Variants in SPIDR observed in about 807,000 individuals in gnomAD.
SPIDR encodes scaffold protein involved in DNA repair.
A neutral mutation model predicts 104.6 loss-of-function variants in SPIDR; 93 were observed. That is an observed-to-expected ratio of 0.89 (90% confidence interval 0.75 to 1.06). The LOEUF is 1.06. Among genes scored for constraint, SPIDR ranks in the 50% least tolerant of loss-of-function variants. SPIDR has a pLI of 0.00. For missense variants in SPIDR, 1,154 were observed against 1,111.2 expected (o/e 1.04, Z -0.55); for synonymous variants, 431 against 416.9 (o/e 1.03, Z -0.41).
At chr8:47,624,149 C>T (rs1382564771) in intron 10 of SPIDR, among the ~76,000 whole-genome samples, 3 of 151,918 alleles carry the variant, frequency 2.0e-5, no homozygotes, top group African/African-American at 4.8e-5. Flanking sequence ...GGGTACATAA[C>T]GAAATGAAGG....
At chr8:47,716,319 C>G (rs1349946249) in intron 16 of SPIDR, among the ~76,000 whole-genome samples, 1 of 152,132 alleles carries the variant, frequency 6.6e-6, no homozygotes, top group East Asian at 1.9e-4. Flanking sequence ...GCTGGTGTTC[C>G]TCACCCTTAC....
chr8:47,592,118 G>A, intron 8 of SPIDR: 1 of 1,373,444 alleles, frequency 7.3e-7, no homozygotes, highest in South Asian at 1.2e-5. Context: ...CAGGAGAAGT[G>A]ATGCACACTT....
intron 14 of SPIDR, among the ~76,000 whole-genome samples, chr8:47,710,679 G>A (rs2081742701): frequency 1.3e-5 from 2 of 152,082 alleles, no homozygotes; most frequent in South Asian, 4.1e-4. Context: ...TGTTGGTCAG[G>A]CTGGTCTTGA....
chr8:47,326,602 A>G (rs1340838245), intron 5 of SPIDR, among the ~76,000 whole-genome samples: 2 of 152,200 alleles, frequency 1.3e-5, no homozygotes, highest in African/African-American at 4.8e-5. Context: ...ACTATTAAGC[A>G]TCCATTCCGT....
intron 10 of SPIDR, among the ~76,000 whole-genome samples, chr8:47,652,428 G>A (rs1235875558): frequency 1.3e-5 from 2 of 152,204 alleles, no homozygotes; most frequent in Non-Finnish European, 2.9e-5. Flanking sequence ...GCAGGAGGAT[G>A]TCAGCTGGGC....
At chr8:47,478,837 T>A (rs1236942778) in intron 8 of SPIDR, among the ~76,000 whole-genome samples, 1 of 152,194 alleles carries the variant, frequency 6.6e-6, no homozygotes. Flanking sequence ...CTAAACCTGT[T>A]GAATGTAGGG....
intron 8 of SPIDR, among the ~76,000 whole-genome samples, chr8:47,577,931 C>G (rs1362222664): frequency 6.6e-6 from 1 of 152,106 alleles, no homozygotes; most frequent in Admixed American, 6.6e-5. Context: ...TAGAGTCACA[C>G]TGGGAGATAT....
At chr8:47,301,238 A>T (rs1422688852) in intron 5 of SPIDR, among the ~76,000 whole-genome samples, 2 of 152,084 alleles carry the variant, frequency 1.3e-5, no homozygotes, top group African/African-American at 4.8e-5. Flanking sequence ...GTTGGCTTAA[A>T]GTCTGTTTTA....
intron 8 of SPIDR, among the ~76,000 whole-genome samples, chr8:47,577,124 G>A (rs1043776554): frequency 2.6e-5 from 4 of 152,254 alleles, no homozygotes; most frequent in Non-Finnish European, 5.9e-5. Context: ...TTTCTCTGCA[G>A]CAATTGAGCT....
At chr8:47,432,279 A>G (rs965488057) in intron 7 of SPIDR, among the ~76,000 whole-genome samples, 2 of 152,168 alleles carry the variant, frequency 1.3e-5, no homozygotes, top group Admixed American at 1.3e-4. Context: ...AATAGATAAA[A>G]CGTCATTTGG....
chr8:47,713,188 T>C, intron 15 of SPIDR: 16 of 638,758 alleles, frequency 2.5e-5, no homozygotes, highest in East Asian at 6.2e-5. Flanking sequence ...AGCCAGCCCC[T>C]TTTTCCAGGG....
At chr8:47,426,987 A>G (rs746593488) in intron 7 of SPIDR, among the ~76,000 whole-genome samples, 76 of 152,360 alleles carry the variant, frequency 5.0e-4, no homozygotes, top group Non-Finnish European at 9.1e-4. Context: ...AGAAAGAAAC[A>G]AAGCCTAAGA....
At chr8:47,349,746 A>C (rs570642956) in intron 5 of SPIDR, among the ~76,000 whole-genome samples, 6 of 152,354 alleles carry the variant, frequency 3.9e-5, no homozygotes, top group African/African-American at 1.4e-4. Context: ...ACCAGTGAGC[A>C]AGGGTCCGTG....
chr8:47,484,064 G>C (rs1291960628), intron 8 of SPIDR, among the ~76,000 whole-genome samples: 2 of 152,036 alleles, frequency 1.3e-5, no homozygotes, highest in Non-Finnish European at 2.9e-5. Context: ...TAATTTGATT[G>C]AACGGGTTCT....
At chr8:47,689,052 A>G (rs1326122920) in intron 11 of SPIDR, among the ~76,000 whole-genome samples, 3 of 152,122 alleles carry the variant, frequency 2.0e-5, no homozygotes, top group Non-Finnish European at 2.9e-5. Flanking sequence ...AGCTTTATAT[A>G]TTCTGAGTAG....
intron 8 of SPIDR, among the ~76,000 whole-genome samples, chr8:47,486,874 T>C (rs1554731755): frequency 1.3e-5 from 2 of 152,164 alleles, no homozygotes; most frequent in African/African-American, 2.4e-5. Context: ...AAGGAACAAC[T>C]GGTAGCAGCC....
chr8:47,528,928 G>A (rs955817495), intron 8 of SPIDR, among the ~76,000 whole-genome samples: 3 of 152,138 alleles, frequency 2.0e-5, no homozygotes, highest in African/African-American at 7.2e-5. Flanking sequence ...GATGCAGGAA[G>A]CTTAAACACC....
chr8:47,729,338 G>A (rs1466761709), intron 18 of SPIDR, 74 bp from the exon 19 acceptor site: 40 of 1,533,198 alleles, frequency 2.6e-5, no homozygotes, highest in Admixed American at 4.0e-5. Context: ...GTTAATTTTC[G>A]GGAATGAGTG....
chr8:47,592,573 G>T, intron 8 of SPIDR: 1 of 1,285,566 alleles, frequency 7.8e-7, no homozygotes. Context: ...GCAAACCCTG[G>T]GTTTCCTTGA....
Sources: gnomAD v4.1 joint callset for allele counts (sites outside exome capture counted in the v4.1 genomes callset) on GRCh38, gnomAD v4.1.1 for gene constraint, MANE v1.5 for transcripts, NCBI Gene and HGNC (gene_info 2026-07-23, HGNC 2026-07-21) for gene names.